DHRS7B: variants seen among roughly 807,000 people sequenced by gnomAD.
DHRS7B encodes the protein dehydrogenase/reductase 7B, also known as peroxisomal reductase activating PPAR-gamma.
A neutral mutation model predicts 26.4 loss-of-function variants in DHRS7B; 24 were observed. That is an observed-to-expected ratio of 0.91 (90% CI 0.66 to 1.28). The LOEUF is 1.28. Among genes scored for constraint, DHRS7B ranks in the 50% most tolerant of loss-of-function variants. DHRS7B has a pLI of 0.00. For missense variants in DHRS7B, 368 were observed against 419.4 expected, an observed-to-expected ratio of 0.88 and a Z score of 1.07; for synonymous variants, 142 against 166.4, an observed-to-expected ratio of 0.85 and a Z score of 1.13.
chr17:21,127,226 G>T (rs900628953), intron 1 of DHRS7B: 25 of 495,984 alleles, frequency 5.0e-5, no homozygotes, highest in African/African-American at 4.7e-4. Context: ...GCCTGTCGCC[G>T]AGGTGTCTTG....
At chr17:21,190,279 C>T (rs1974746708) in intron 6 of DHRS7B, among the ~76,000 whole-genome samples, 1 of 152,156 alleles carries the variant, frequency 6.6e-6, no homozygotes, top group Non-Finnish European at 1.5e-5. Flanking sequence ...GTAGAAGGAA[C>T]ATCAGTTGCC....
At chr17:21,188,893 A>C in intron 6 of DHRS7B, 30 bp downstream of exon 6, 1 of 1,613,962 alleles carries the variant, frequency 6.2e-7, no homozygotes, top group Non-Finnish European at 8.5e-7. Flanking sequence ...TTCTCCTATG[A>C]AAATCTGTCG....
At chr17:21,153,738 A>G (rs1423422784) in intron 1 of DHRS7B, among the ~76,000 whole-genome samples, 1 of 152,102 alleles carries the variant, frequency 6.6e-6, no homozygotes, top group African/African-American at 2.4e-5. Context: ...AATGGGTGAA[A>G]AAAAGGGGGA....
rs959648826 is a variant in DHRS7B at position 21,166,311 on chromosome 17, G to C, written c.21-5707G>C. On this transcript the variant is annotated intron_variant, in intron 1 of 6. Coordinates refer to ENST00000395511, the MANE Select transcript of DHRS7B (RefSeq NM_015510.5). ...ACTCTTTTAAACCAGGGAGCTGAAG[G>C]CTGGCTTCTGAAAATACACCCCACA... The C allele has an allele frequency of 5.1e-6, 5 of 985,270 alleles. No individual in the cohort carries two copies. In the African/African-American group the frequency reaches 5.2e-5, roughly 10 times the overall value. 61.0% of individuals were successfully genotyped at this position (985,270 alleles called of 1,614,324 possible).
intron 1 of DHRS7B, among the ~76,000 whole-genome samples, chr17:21,136,545 TTTTGTTTG>T (rs150550451): frequency 0.36 from 53,880 of 150,822 alleles, 10,619 homozygotes; most frequent in Non-Finnish European, 0.44. Flanking sequence ...TTGTGGGTTT[TTTTGTTTG>T]TTTGTTTGTT....
intron 1 of DHRS7B, among the ~76,000 whole-genome samples, chr17:21,167,556 T>C (rs761974278): frequency 1.3e-5 from 2 of 152,172 alleles, no homozygotes; most frequent in Non-Finnish European, 2.9e-5. Context: ...TGGTGCCCTC[T>C]GCTTCCAGAT....
intron 1 of DHRS7B, among the ~76,000 whole-genome samples, chr17:21,132,130 T>G (rs940139295): frequency 5.9e-5 from 9 of 152,096 alleles, no homozygotes; most frequent in Admixed American, 2.6e-4. Flanking sequence ...TAGAATAGGT[T>G]CAGAGTGACT....
chr17:21,180,932 G>T (rs1184378739), intron 3 of DHRS7B, among the ~76,000 whole-genome samples: 1 of 152,186 alleles, frequency 6.6e-6, no homozygotes, highest in Admixed American at 6.5e-5. Context: ...TCCAGTCCAT[G>T]AATGCAGGAT....
At chr17:21,147,206 A>T (rs1973660450) in intron 1 of DHRS7B, among the ~76,000 whole-genome samples, 1 of 152,136 alleles carries the variant, frequency 6.6e-6, no homozygotes, top group Non-Finnish European at 1.5e-5. Flanking sequence ...CAGTGATCTC[A>T]GGACATTTTA....
intron 5 of DHRS7B, among the ~76,000 whole-genome samples, chr17:21,186,632 C>G (rs546790208): frequency 1.3e-5 from 2 of 152,206 alleles, no homozygotes; most frequent in Admixed American, 6.5e-5. Flanking sequence ...CCTTAGCTGA[C>G]GGATGCCCCT....
intron 1 of DHRS7B, among the ~76,000 whole-genome samples, chr17:21,170,256 C>T (rs1401234150): frequency 6.6e-6 from 1 of 152,182 alleles, no homozygotes; most frequent in African/African-American, 2.4e-5. Context: ...CAGGCAGCAC[C>T]CACAGAACCC....
intron 2 of DHRS7B, 112 bp downstream of exon 2, chr17:21,172,308 G>T (rs766642348): frequency 3.0e-6 from 4 of 1,333,304 alleles, no homozygotes; most frequent in South Asian, 1.3e-5. Flanking sequence ...GCAGCAGAAG[G>T]CCAGATAAGG....
At chr17:21,152,874 C>T (rs190846144) in intron 1 of DHRS7B, among the ~76,000 whole-genome samples, 15 of 152,252 alleles carry the variant, frequency 9.9e-5, no homozygotes, top group Admixed American at 2.6e-4. Context: ...TTCACAGGCT[C>T]ACCAAAAAAC....
chr17:21,140,523 CACACACACACACACA>C (rs1973478496), intron 1 of DHRS7B, among the ~76,000 whole-genome samples: 5 of 150,568 alleles, frequency 3.3e-5, no homozygotes, highest in South Asian at 2.1e-4. Flanking sequence ...CACACACACA[CACACACACACACACA>C]CCCTGACACC....
intron 1 of DHRS7B, among the ~76,000 whole-genome samples, chr17:21,141,692 G>A (rs1302437785): frequency 6.9e-6 from 1 of 144,294 alleles, no homozygotes; most frequent in Non-Finnish European, 1.5e-5. Flanking sequence ...CCATCATTAT[G>A]GAAGCAGGAA....
At chr17:21,178,106 G>C (rs1197526357) in intron 2 of DHRS7B, 127 bp from the exon 3 acceptor site, 2 of 842,868 alleles carry the variant, frequency 2.4e-6, no homozygotes, top group African/African-American at 1.7e-5. Flanking sequence ...GCTTCATGCT[G>C]GGCCACACAG....
chr17:21,154,265 G>A (rs1040469558), intron 1 of DHRS7B, among the ~76,000 whole-genome samples: 2 of 151,926 alleles, frequency 1.3e-5, no homozygotes, highest in African/African-American at 4.8e-5. Context: ...AGCCGAGATC[G>A]TGACATTGCA....
chr17:21,178,246 C>G lies in DHRS7B; in HGVS notation c.213C>G (p.Val71=). 3 of 1,614,260 alleles carry G rather than the reference C, an allele frequency of 1.9e-6. No individual in the cohort carries two copies. Among genetic ancestry groups the G allele is most frequent in the Non-Finnish European group, 2.5e-6 (3 of 1,180,038 alleles). ...CTCTTCCCTTAGAATGTGCAAAAGT[C>G]TTCTATGCTGCGGGTGCTAAACTGG... ...TSGLGKECAK[V]FYAAGAKLVL... The change falls in exon 3 of 7, where the codon GTC becomes GTG. Residue 71 remains valine, a synonymous_variant. Transcript: ENST00000395511.
chr17:21,156,923 A>AAAG (rs1425926176), intron 1 of DHRS7B, among the ~76,000 whole-genome samples: 1 of 151,834 alleles, frequency 6.6e-6, no homozygotes, highest in Admixed American at 6.6e-5. Context: ...AAAAAAAAAA[A>AAAG]AAAGAATGCT....
Sources: gnomAD v4.1 joint callset for allele counts (sites outside exome capture counted in the v4.1 genomes callset) on GRCh38, gnomAD v4.1.1 for gene constraint, MANE v1.5 for transcripts, NCBI Gene and HGNC (gene_info 2026-07-23, HGNC 2026-07-21) for gene names.